Variants in CACHD1 observed in about 807,000 individuals in gnomAD.
CACHD1 encodes the protein VWFA and cache domain-containing protein 1.
CACHD1 carries 71 observed loss-of-function variants against 138.7 expected under a neutral mutation model. The observed-to-expected ratio is 0.51, with a 90% confidence interval of 0.42 to 0.62. The LOEUF (loss-of-function observed/expected upper bound fraction) is 0.62. Ranked by LOEUF, CACHD1 falls within the 20% of genes least tolerant of loss-of-function variation. The probability of loss-of-function intolerance (pLI) is 0.00; values close to 1 mark genes in which losing one functional copy is unlikely to be tolerated. For missense variants in CACHD1, 1,389 were observed against 1,625.3 expected, an observed-to-expected ratio of 0.85 and a Z score of 2.50; for synonymous variants, 578 against 591.5, an observed-to-expected ratio of 0.98 and a Z score of 0.33.
At chr1:64,583,609 G>T (rs1018842265) in intron 3 of CACHD1, among the ~76,000 whole-genome samples, 6 of 152,144 alleles carry the variant, frequency 3.9e-5, no homozygotes, top group Admixed American at 2.6e-4. Flanking sequence ...TTTTTGTTAG[G>T]TATTAGTTCC....
At chr1:64,542,506 G>A (rs1646684558) in intron 1 of CACHD1, among the ~76,000 whole-genome samples, 1 of 152,152 alleles carries the variant, frequency 6.6e-6, no homozygotes, top group Non-Finnish European at 1.5e-5. Flanking sequence ...CTCTTGAGGT[G>A]GTGTAGAGTC....
intron 2 of CACHD1, among the ~76,000 whole-genome samples, chr1:64,570,462 C>T (rs1646918162): frequency 6.6e-6 from 1 of 152,138 alleles, no homozygotes. Context: ...GAGGAAGTGT[C>T]ACTGTCACAT....
At chr1:64,557,454 T>C (rs1404924245) in intron 2 of CACHD1, among the ~76,000 whole-genome samples, 1 of 152,166 alleles carries the variant, frequency 6.6e-6, no homozygotes, top group African/African-American at 2.4e-5. Context: ...GCAGTGATGG[T>C]TTTAGAGGAT....
At chr1:64,664,265 A>G in intron 14 of CACHD1, 1 of 558,402 alleles carries the variant, frequency 1.8e-6, no homozygotes, top group Non-Finnish European at 3.2e-6. Flanking sequence ...TTCTTCTTAA[A>G]CTCAGAAAGC....
chr1:64,498,867 G>A lies in CACHD1; in HGVS notation c.198+27925G>A, dbSNP rs184766863. 3.2e-3 allele frequency among the ~76,000 whole-genome samples: 481 copies of A among 152,328 alleles called. 2 individuals are homozygous for A. The highest frequency in any genetic ancestry group is 0.011 in the African/African-American group (458 of 41,564). On this transcript the variant is annotated intron_variant, in intron 1 of 26. Transcript: ENST00000651257. ...TGACCAGAAAGAAAGTGCAATAATCGTGTGCTTAAAGTACATTGGTCATTT... is the reference window on the plus strand; with the variant it reads ...TGACCAGAAAGAAAGTGCAATAATCATGTGCTTAAAGTACATTGGTCATTT...
chr1:64,674,557 A>AT (rs1283946600), intron 19 of CACHD1, among the ~76,000 whole-genome samples: 2 of 152,126 alleles, frequency 1.3e-5, no homozygotes, highest in African/African-American at 4.8e-5. Context: ...CTCCAAGCCT[A>AT]TGTTACTGCT....
chr1:64,549,795 A>ATTTTTTTTTTTTTTTTTTTT (rs138406571), intron 1 of CACHD1, among the ~76,000 whole-genome samples: 1 of 136,456 alleles, frequency 7.3e-6, no homozygotes. Flanking sequence ...TGCTCTTTTT[A>ATTTTTTTTTTTTTTTTTTTT]TTTTTTTTAT....
At chr1:64,600,716 A>C (rs1419206039) in intron 3 of CACHD1, among the ~76,000 whole-genome samples, 1 of 152,238 alleles carries the variant, frequency 6.6e-6, no homozygotes, top group Non-Finnish European at 1.5e-5. Flanking sequence ...TAGAACAATA[A>C]TTTTAAAATT....
chr1:64,691,437 C>A lies in CACHD1; in HGVS notation c.3701C>A (p.Pro1234His), dbSNP rs72673394. 9.3e-6 allele frequency: 15 copies of A among 1,613,944 alleles called. No homozygotes were observed. Among genetic ancestry groups the A allele is most frequent in the Admixed American group, 5.0e-5 (3 of 59,990 alleles). Reference sequence around the variant, plus strand: ...GATGAGGACTTAGACCTGGATACCCCCCCTCAGACTGCTGCCCTACTAAGT... The same window carrying A: ...GATGAGGACTTAGACCTGGATACCCACCCTCAGACTGCTGCCCTACTAAGT... ...NHDEDLDLDT[P>H]PQTAALLSHK... is the part of the protein sequence containing the mutation. The change falls in exon 27 of 27, where the codon CCC becomes CAC. Residue 1234 changes from proline to histidine, a missense_variant. Coordinates refer to ENST00000651257, the MANE Select transcript of CACHD1 (RefSeq NM_020925.4).
At chr1:64,565,221 G>T in intron 2 of CACHD1, among the ~76,000 whole-genome samples, 1 of 151,872 alleles carries the variant, frequency 6.6e-6, no homozygotes. Context: ...TCCCTCATCT[G>T]TACCCAGGGA....
At chr1:64,585,020 A>G (rs892479007) in intron 3 of CACHD1, among the ~76,000 whole-genome samples, 3 of 152,208 alleles carry the variant, frequency 2.0e-5, no homozygotes, top group Non-Finnish European at 2.9e-5. Flanking sequence ...AAAAATATAT[A>G]TAATATAAAC....
intron 4 of CACHD1, among the ~76,000 whole-genome samples, chr1:64,625,246 T>C (rs112248657): frequency 0.065 from 9,847 of 152,210 alleles, 358 homozygotes; most frequent in Middle Eastern, 0.1. Flanking sequence ...AGCTAAATAA[T>C]GTGTGCATTT....
intron 1 of CACHD1, among the ~76,000 whole-genome samples, chr1:64,546,474 C>G (rs1646719221): frequency 6.6e-6 from 1 of 151,884 alleles, no homozygotes; most frequent in East Asian, 1.9e-4. Context: ...AGCTGAACTA[C>G]CCGTGGGTGC....
intron 1 of CACHD1, among the ~76,000 whole-genome samples, chr1:64,517,499 G>A (rs1194510593): frequency 6.6e-6 from 1 of 152,136 alleles, no homozygotes; most frequent in African/African-American, 2.4e-5. Context: ...GTCACTGGAG[G>A]CCTCATTGAG....
At chr1:64,691,254 A>G (rs1410955945) in intron 26 of CACHD1, 69 bp from the exon 27 acceptor site, 8 of 1,447,124 alleles carry the variant, frequency 5.5e-6, no homozygotes, top group Non-Finnish European at 7.7e-6. Flanking sequence ...TGCCCTAGAA[A>G]TTGTAGGTGA....
chr1:64,576,550 A>G (rs1646969171), intron 2 of CACHD1, among the ~76,000 whole-genome samples: 1 of 151,802 alleles, frequency 6.6e-6, no homozygotes, highest in African/African-American at 2.4e-5. Context: ...ATAGTGTGTC[A>G]CCATCACATT....
chr1:64,594,025 G>T lies in CACHD1; in HGVS notation c.411-8781G>T, dbSNP rs140846142. Among the ~76,000 whole-genome samples the T allele has an allele frequency of 2.1e-3, 316 of 152,182 alleles. 2 individuals are homozygous for T. The highest frequency in any genetic ancestry group is 7.1e-3 in the African/African-American group (295 of 41,522). On this transcript the variant is annotated intron_variant, in intron 3 of 26. Coordinates refer to ENST00000651257, the MANE Select transcript of CACHD1 (RefSeq NM_020925.4). ...TCCCAGCACTTTGGGAGGCCGAGGCGTGGGGATCATCTGAGGTTAGGAGTT... is the reference window on the plus strand; with the variant it reads ...TCCCAGCACTTTGGGAGGCCGAGGCTTGGGGATCATCTGAGGTTAGGAGTT...
At chr1:64,615,878 T>C (rs970751563) in intron 4 of CACHD1, among the ~76,000 whole-genome samples, 4 of 152,212 alleles carry the variant, frequency 2.6e-5, no homozygotes, top group African/African-American at 7.2e-5. Flanking sequence ...CCGTTCCTTC[T>C]TAGTACCTCA....
intron 26 of CACHD1, 149 bp downstream of exon 26, chr1:64,682,255 T>C (rs1038159223): frequency 1.5e-4 from 102 of 676,904 alleles, no homozygotes; most frequent in Non-Finnish European, 2.3e-4. Flanking sequence ...GTTTTACTTA[T>C]GTCTCAGCAC....
Sources: allele counts gnomAD v4.1 joint callset (sites outside exome capture counted in the v4.1 genomes callset), GRCh38; gene constraint gnomAD v4.1.1; transcripts MANE v1.5; gene names NCBI Gene and HGNC (gene_info 2026-07-23, HGNC 2026-07-21).